PDE4B: variants seen among roughly 807,000 people sequenced by gnomAD.
PDE4B encodes the protein 3',5'-cyclic-AMP phosphodiesterase 4B.
Under a neutral mutation model 82.2 loss-of-function variants are expected in PDE4B, and 20 were observed. The observed-to-expected ratio is 0.24, with a 90% confidence interval of 0.17 to 0.35. The LOEUF is 0.35. Ranked by LOEUF, PDE4B falls within the 10% of genes least tolerant of loss-of-function variation. The pLI is 1.00. For missense variants in PDE4B, 655 were observed against 907.2 expected, an observed-to-expected ratio of 0.72 and a Z score of 3.57; for synonymous variants, 320 against 318.9, an observed-to-expected ratio of 1.00 and a Z score of -0.04.
chr1:66,215,364 C>G (rs1177498206), intron 3 of PDE4B, among the ~76,000 whole-genome samples: 1 of 152,108 alleles, frequency 6.6e-6, no homozygotes, highest in Non-Finnish European at 1.5e-5. Flanking sequence ...AGAGAACCAG[C>G]AGTAACATAA....
At chr1:66,353,170 T>C (rs1570755490) in intron 8 of PDE4B, among the ~76,000 whole-genome samples, 2 of 152,346 alleles carry the variant, frequency 1.3e-5, no homozygotes, top group East Asian at 3.9e-4. Context: ...CACCTGGGAT[T>C]CAAAATTGCA....
chr1:66,331,064 G>A (rs1660069734), intron 7 of PDE4B, among the ~76,000 whole-genome samples: 1 of 152,136 alleles, frequency 6.6e-6, no homozygotes, highest in Non-Finnish European at 1.5e-5. Context: ...TGCGTCTGTG[G>A]CCAAGTGATT....
chr1:65,853,166 C>T lies in PDE4B; in HGVS notation c.-71+59918C>T, dbSNP rs74901962. ...TTTGTCCTAATTACATTCCTTGTTT[C>T]GAAGTCTACCTTATCTAATGTTAAA... On this transcript the variant is annotated intron_variant, in intron 1 of 16. Transcript: ENST00000341517. Among the ~76,000 whole-genome samples the T allele has an allele frequency of 3.6e-3, 548 of 152,044 alleles. 3 individuals are homozygous for T. Among genetic ancestry groups the T allele is most frequent in the African/African-American group, 0.013 (523 of 41,482 alleles).
At chr1:66,262,070 C>G (rs766107263) in intron 6 of PDE4B, among the ~76,000 whole-genome samples, 1 of 152,128 alleles carries the variant, frequency 6.6e-6, no homozygotes, top group Admixed American at 6.5e-5. Flanking sequence ...TAACATTCTT[C>G]CAAAGCATAA....
In PDE4B at chr1:65,930,579, C is replaced by T. The variant is rs578173154; in HGVS notation, c.281+11744C>T. Among the ~76,000 whole-genome samples, 12 of 152,338 alleles carry T rather than the reference C, an allele frequency of 7.9e-5. No individual in the cohort carries two copies. The South Asian group carries it at 1.4e-3, about 18-fold the overall frequency. On this transcript the variant is annotated intron_variant, in intron 3 of 16. Transcript: ENST00000341517. ...GTGCCCTGGATGTGGGACATGGAGT[C>T]AAAAGAGATTATTGTGGAGCTATAC...
At chr1:66,188,410 G>C in intron 3 of PDE4B, among the ~76,000 whole-genome samples, 1 of 151,868 alleles carries the variant, frequency 6.6e-6, no homozygotes, top group Non-Finnish European at 1.5e-5. Context: ...CTGTCTCGTT[G>C]ATCTGTCTAA....
chr1:66,289,434 A>G lies in PDE4B; in HGVS notation c.634+23347A>G, dbSNP rs115346321. On this transcript the variant is annotated intron_variant, in intron 7 of 16. Transcript: ENST00000341517. ...GGGAAAAGGTCTGTCCAAGGAGGTG[A>G]TATTTCTATGGAATCTAGAAAGATA... Among the ~76,000 whole-genome samples, 475 of 152,244 alleles carry G rather than the reference A, an allele frequency of 3.1e-3. 1 individual carries two copies. Among genetic ancestry groups the G allele is most frequent in the Non-Finnish European group, 4.4e-3 (297 of 68,008 alleles).
intron 3 of PDE4B, among the ~76,000 whole-genome samples, chr1:65,969,810 G>A (rs1650037705): frequency 6.6e-6 from 1 of 151,830 alleles, no homozygotes; most frequent in South Asian, 2.1e-4. Context: ...TTTTTCCCTT[G>A]GTGTTTTTTT....
intron 8 of PDE4B, among the ~76,000 whole-genome samples, chr1:66,341,218 G>A (rs1660956755): frequency 6.6e-6 from 1 of 152,202 alleles, no homozygotes; most frequent in African/African-American, 2.4e-5. Context: ...TAAATGAAAA[G>A]TAATTTTATT....
chr1:66,143,648 C>A (rs779064483), intron 3 of PDE4B, among the ~76,000 whole-genome samples: 72 of 152,324 alleles, frequency 4.7e-4, no homozygotes, highest in Admixed American at 9.1e-4. Flanking sequence ...AACATAAAAT[C>A]ACCATTTTCT....
intron 7 of PDE4B, among the ~76,000 whole-genome samples, chr1:66,318,215 G>A (rs1659158022): frequency 6.6e-6 from 1 of 152,164 alleles, no homozygotes; most frequent in African/African-American, 2.4e-5. Context: ...TATACTTAGT[G>A]TTGTAACTTT....
chr1:66,285,380 G>T (rs1440628967), intron 7 of PDE4B, among the ~76,000 whole-genome samples: 1 of 152,060 alleles, frequency 6.6e-6, no homozygotes, highest in Admixed American at 6.6e-5. Flanking sequence ...GGGTACAAGT[G>T]CAGGCTTCTT....
chr1:65,894,884 A>G (rs1338656412), intron 1 of PDE4B, among the ~76,000 whole-genome samples: 4 of 152,170 alleles, frequency 2.6e-5, no homozygotes, highest in Non-Finnish European at 4.4e-5. Flanking sequence ...GGTAATAGTA[A>G]GTTTTGGCAA....
At chr1:65,797,346 A>T (rs1016025160) in intron 1 of PDE4B, among the ~76,000 whole-genome samples, 1 of 152,114 alleles carries the variant, frequency 6.6e-6, no homozygotes, top group Non-Finnish European at 1.5e-5. Context: ...GTCTTTTCTC[A>T]TTCAAGTTGT....
chr1:66,158,342 A>C (rs906558416), intron 3 of PDE4B, among the ~76,000 whole-genome samples: 1 of 152,222 alleles, frequency 6.6e-6, no homozygotes, highest in African/African-American at 2.4e-5. Flanking sequence ...GCAAAAGAAC[A>C]AGCAATGCTA....
At chr1:65,853,249 A>C (rs1646351150) in intron 1 of PDE4B, among the ~76,000 whole-genome samples, 1 of 151,990 alleles carries the variant, frequency 6.6e-6, no homozygotes, top group Non-Finnish European at 1.5e-5. Context: ...TTTCCTTATA[A>C]TGTATCTATA....
chr1:66,308,052 G>C (rs1387831516), intron 7 of PDE4B, among the ~76,000 whole-genome samples: 1 of 152,076 alleles, frequency 6.6e-6, no homozygotes, highest in South Asian at 2.1e-4. Context: ...TTTACAGATA[G>C]AGATCCTGAA....
At chr1:66,196,988 T>G (rs924898169) in intron 3 of PDE4B, among the ~76,000 whole-genome samples, 1 of 151,486 alleles carries the variant, frequency 6.6e-6, no homozygotes, top group African/African-American at 2.4e-5. Flanking sequence ...AAAAGAAACA[T>G]AAGAGCTCAG....
chr1:66,278,356 C>T (rs187652095), intron 7 of PDE4B, among the ~76,000 whole-genome samples: 9 of 152,280 alleles, frequency 5.9e-5, no homozygotes, highest in Admixed American at 5.2e-4. Flanking sequence ...GAAATAACAT[C>T]CGTGGAACAA....
Sources: allele counts gnomAD v4.1 joint callset (sites outside exome capture counted in the v4.1 genomes callset), GRCh38; gene constraint gnomAD v4.1.1; transcripts MANE v1.5; gene names NCBI Gene and HGNC (gene_info 2026-07-23, HGNC 2026-07-21).